ALDH9A1: variants seen among roughly 807,000 people sequenced by gnomAD.
ALDH9A1 encodes 4-trimethylaminobutyraldehyde dehydrogenase.
Under a neutral mutation model 56.6 loss-of-function variants are expected in ALDH9A1, and 42 were observed. The observed-to-expected ratio is 0.74, with a 90% CI of 0.58 to 0.96. The LOEUF (loss-of-function observed/expected upper bound fraction) is 0.96. Ranked by LOEUF, ALDH9A1 falls within the 40% of genes least tolerant of loss-of-function variation. The pLI is 0.00. For missense variants in ALDH9A1, 661 were observed against 651.5 expected, an observed-to-expected ratio of 1.01 and a Z score of -0.16; for synonymous variants, 242 against 236.0, an observed-to-expected ratio of 1.03 and a Z score of -0.23.
intron 2 of ALDH9A1, among the ~76,000 whole-genome samples, chr1:165,684,980 T>C (rs1218440131): frequency 1.4e-5 from 2 of 141,570 alleles, no homozygotes; most frequent in East Asian, 4.6e-4. Context: ...GTTATTCTAT[T>C]ATTCTCCATC....
chr1:165,688,190 G>A (rs1239335857), intron 2 of ALDH9A1, among the ~76,000 whole-genome samples: 1 of 151,980 alleles, frequency 6.6e-6, no homozygotes, highest in Non-Finnish European at 1.5e-5. Context: ...GGTGACATGA[G>A]TCTGTAGTCC....
intron 6 of ALDH9A1, among the ~76,000 whole-genome samples, chr1:165,672,959 T>TA (rs1225422267): frequency 1.1e-5 from 1 of 93,782 alleles, no homozygotes; most frequent in Non-Finnish European, 2.1e-5. Context: ...AAATAAAAAA[T>TA]AAAAAAAATA....
chr1:165,683,381 G>A (rs1351248615), intron 2 of ALDH9A1, among the ~76,000 whole-genome samples: 1 of 152,190 alleles, frequency 6.6e-6, no homozygotes, highest in Admixed American at 6.5e-5. Context: ...GACCGGGCAG[G>A]AATGAACCCA....
chr1:165,698,478 A>G lies in ALDH9A1; in HGVS notation c.81T>C (p.Thr27=). 1 of 1,608,858 alleles carries G rather than the reference A, an allele frequency of 6.2e-7. No individual in the cohort carries two copies. The highest frequency in any genetic ancestry group is 8.5e-7 in the Non-Finnish European group (1 of 1,177,990). ...LRPSPVAAMS[T]GTFVVSQPLN... ...GCGGCTGCGACACGACGAAGGTGCCAGTGCTCATGGCGGCGACAGGAGAGG... is the reference window on the plus strand; with the variant it reads ...GCGGCTGCGACACGACGAAGGTGCCGGTGCTCATGGCGGCGACAGGAGAGG... Residue 27 remains threonine (T), a synonymous_variant, in exon 1 of 11, where the codon ACT becomes ACC. Coordinates refer to ENST00000354775, the MANE Select transcript of ALDH9A1 (RefSeq NM_000696.4).
At chr1:165,698,271 G>A (rs1650160140) in intron 1 of ALDH9A1, 107 bp downstream of exon 1, 48 of 1,467,758 alleles carry the variant, frequency 3.3e-5, no homozygotes, top group Non-Finnish European at 4.1e-5. Flanking sequence ...CACTGTCACT[G>A]TCTTGTGCTC....
intron 2 of ALDH9A1, among the ~76,000 whole-genome samples, chr1:165,683,818 G>C (rs1230536895): frequency 6.6e-6 from 1 of 152,126 alleles, no homozygotes; most frequent in Non-Finnish European, 1.5e-5. Context: ...TAAAGGTTTA[G>C]GAAATTAGAC....
intron 9 of ALDH9A1, among the ~76,000 whole-genome samples, chr1:165,666,910 T>C (rs1649026993): frequency 1.3e-5 from 2 of 152,196 alleles, no homozygotes; most frequent in Admixed American, 1.3e-4. Context: ...AAAAAATGGC[T>C]ACATGAGTTA....
intron 6 of ALDH9A1, among the ~76,000 whole-genome samples, chr1:165,677,812 C>A (rs969630373): frequency 2.8e-5 from 4 of 142,984 alleles, no homozygotes; most frequent in African/African-American, 1.1e-4. Context: ...GAGCCGAGAT[C>A]GCACCACTGT....
chr1:165,676,633 G>A (rs1033673015), intron 6 of ALDH9A1: 1 of 346,868 alleles, frequency 2.9e-6, no homozygotes, highest in Non-Finnish European at 5.5e-6. Flanking sequence ...ATGCATGAAA[G>A]AAGATGATCA....
In ALDH9A1 at chr1:165,669,312, G is replaced by T. The variant is rs747890308; in HGVS notation, c.1069C>A (p.Arg357=). 6.2e-7 allele frequency: 1 copy of T among 1,613,326 alleles called. No individual in the cohort carries two copies. Residue 357 remains arginine (R), a synonymous_variant, in exon 7 of 11, where the codon CGA becomes AGA. Transcript: ENST00000354775. ...EDTRMGPLIN[R]PHLERVLGFV... is the part of the protein sequence containing the mutation. ...CCAAGGACTCGCTCCAGGTGTGGTC[G>T]GTTGATGAGTGGACCCATCCTTGTA...
chr1:165,685,575 C>A (rs4646887), intron 2 of ALDH9A1, among the ~76,000 whole-genome samples: 9 of 152,014 alleles, frequency 5.9e-5, no homozygotes, highest in Admixed American at 4.6e-4. Flanking sequence ...AACAAAAGAA[C>A]AGCACCAAAC....
chr1:165,673,691 A>T (rs868297490), intron 6 of ALDH9A1, among the ~76,000 whole-genome samples: 8 of 152,154 alleles, frequency 5.3e-5, no homozygotes, highest in Admixed American at 2.6e-4. Flanking sequence ...TCCTGAATAC[A>T]AGAGACCCTA....
intron 6 of ALDH9A1, chr1:165,676,692 C>T (rs1649370822): frequency 2.3e-6 from 1 of 437,338 alleles, no homozygotes; most frequent in Non-Finnish European, 4.4e-6. Flanking sequence ...AGCTGAAGCA[C>T]CAGCCTACTC....
At chr1:165,682,696 T>A (rs1649589349) in intron 3 of ALDH9A1, 1 of 368,094 alleles carries the variant, frequency 2.7e-6, no homozygotes, top group Non-Finnish European at 4.9e-6. Flanking sequence ...ACAAACCGAT[T>A]CTTATGAAAA....
chr1:165,693,286 G>A (rs1334339712), intron 2 of ALDH9A1, among the ~76,000 whole-genome samples: 1 of 152,164 alleles, frequency 6.6e-6, no homozygotes, highest in Non-Finnish European at 1.5e-5. Flanking sequence ...GCAACCTACA[G>A]AATGGGAGAA....
At chr1:165,697,993 T>A (rs1650146159) in intron 1 of ALDH9A1, among the ~76,000 whole-genome samples, 1 of 152,166 alleles carries the variant, frequency 6.6e-6, no homozygotes, top group Non-Finnish European at 1.5e-5. Context: ...ATGGTGCCCC[T>A]GCACTCCAGC....
chr1:165,689,662 A>G (rs1649823128), intron 2 of ALDH9A1, among the ~76,000 whole-genome samples: 1 of 152,196 alleles, frequency 6.6e-6, no homozygotes, highest in Admixed American at 6.5e-5. Context: ...GGCCGGATGC[A>G]GTGGCTCATG....
chr1:165,670,043 C>G (rs1324472101), intron 6 of ALDH9A1, among the ~76,000 whole-genome samples: 2 of 152,076 alleles, frequency 1.3e-5, no homozygotes, highest in Non-Finnish European at 2.9e-5. Flanking sequence ...ATAAATGGTG[C>G]TAGAACAAAT....
At chr1:165,690,961 A>C (rs1217853054) in intron 2 of ALDH9A1, among the ~76,000 whole-genome samples, 1 of 152,200 alleles carries the variant, frequency 6.6e-6, no homozygotes, top group African/African-American at 2.4e-5. Flanking sequence ...AAGGCAGCGG[A>C]AACTTCTGCA....
Sources: allele counts gnomAD v4.1 joint callset (sites outside exome capture counted in the v4.1 genomes callset), GRCh38; gene constraint gnomAD v4.1.1; transcripts MANE v1.5; gene names NCBI Gene and HGNC (gene_info 2026-07-23, HGNC 2026-07-21).